The following MED12L variants were observed in gnomAD, a reference collection of about 807,000 sequenced individuals.
MED12L encodes mediator of RNA polymerase II transcription subunit 12-like protein.
A neutral mutation model predicts 281.3 loss-of-function variants in MED12L; 60 were observed. That is an observed-to-expected ratio of 0.21 (90% CI 0.17 to 0.26). The LOEUF (loss-of-function observed/expected upper bound fraction) is 0.26, where lower values mean the gene tolerates loss of function less well. Among genes scored for constraint, MED12L ranks in the 10% least tolerant of loss-of-function variants. The pLI is 1.00. For synonymous variants in MED12L, 974 were observed against 987.2 expected, an observed-to-expected ratio of 0.99 and a Z score of 0.25; for missense variants, 2,146 against 2,680.9, an observed-to-expected ratio of 0.80 and a Z score of 4.41.
At chr3:151,283,302 T>C (rs1018798288) in intron 16 of MED12L, among the ~76,000 whole-genome samples, 3 of 152,228 alleles carry the variant, frequency 2.0e-5, no homozygotes, top group African/African-American at 7.2e-5. Context: ...TAGCATTAGA[T>C]TGGGTTTAAA....
At position 151,198,791 on chromosome 3, in the gene MED12L, T is replaced by C. The variant is rs749637575; in HGVS notation, c.2250+5125T>C. The C allele has an allele frequency of 1.3e-5, 21 of 1,613,702 alleles. No individual in the cohort carries two copies. The highest frequency in any genetic ancestry group is 1.7e-5 in the Admixed American group (1 of 60,000). On this transcript the variant is annotated intron_variant, in intron 16 of 44. Coordinates refer to ENST00000687756, the MANE Select transcript of MED12L (RefSeq NM_001393769.1). ...GTAGAGCTGTCGAATTACAAGGCAA[T>C]TGGATATTAAAATGATGGCTGAGAA...
chr3:151,397,267 A>G (rs981655328), intron 39 of MED12L, among the ~76,000 whole-genome samples: 2 of 152,196 alleles, frequency 1.3e-5, no homozygotes, highest in African/African-American at 4.8e-5. Context: ...AAACTTAACT[A>G]TGGAGTCTCT....
At chr3:151,296,122 T>G (rs1393576374) in intron 16 of MED12L, among the ~76,000 whole-genome samples, 1 of 152,246 alleles carries the variant, frequency 6.6e-6, no homozygotes, top group Non-Finnish European at 1.5e-5. Context: ...AGAGGACAAC[T>G]TGTTAAAAGT....
intron 16 of MED12L, among the ~76,000 whole-genome samples, chr3:151,237,182 G>C (rs1431222537): frequency 1.3e-5 from 2 of 151,422 alleles, no homozygotes; most frequent in African/African-American, 4.9e-5. Flanking sequence ...GGGACTACAG[G>C]TGCATGCCAC....
At chr3:151,303,309 A>T (rs1746190138) in intron 16 of MED12L, among the ~76,000 whole-genome samples, 1 of 152,150 alleles carries the variant, frequency 6.6e-6, no homozygotes, top group South Asian at 2.1e-4. Flanking sequence ...GGTTGATTTC[A>T]TGATGCCTGT....
chr3:151,293,638 T>TAC (rs199892582), intron 16 of MED12L, among the ~76,000 whole-genome samples: 2,674 of 99,684 alleles, frequency 0.027, 84 homozygotes, highest in East Asian at 0.075. Context: ...ATGAAGCCCT[T>TAC]ACACACACAC....
chr3:151,328,123 A>G, intron 16 of MED12L: 1 of 1,613,138 alleles, frequency 6.2e-7, no homozygotes. Context: ...AGGGATCCAT[A>G]CAAATGTTAG....
chr3:151,347,856 GT>G (rs1239552069), intron 16 of MED12L, among the ~76,000 whole-genome samples: 1 of 152,140 alleles, frequency 6.6e-6, no homozygotes, highest in Non-Finnish European at 1.5e-5. Flanking sequence ...GTTTAGAAAG[GT>G]TTATTATTCG....
chr3:151,209,788 TCAAGC>T (rs1319932855), intron 16 of MED12L, among the ~76,000 whole-genome samples: 1 of 152,136 alleles, frequency 6.6e-6, no homozygotes, highest in Non-Finnish European at 1.5e-5. Flanking sequence ...ACTAACATCA[TCAAGC>T]AGAAGTACAG....
chr3:151,158,933 A>G (rs536238526), intron 7 of MED12L, 134 bp downstream of exon 7: 16 of 673,142 alleles, frequency 2.4e-5, no homozygotes, highest in East Asian at 1.9e-4. Context: ...CTTTGATGCT[A>G]TAACACATGA....
At chr3:151,182,099 G>A (rs896405144) in intron 11 of MED12L, among the ~76,000 whole-genome samples, 1 of 152,092 alleles carries the variant, frequency 6.6e-6, no homozygotes, top group Non-Finnish European at 1.5e-5. Flanking sequence ...TGAATTAGGA[G>A]AGAAAAAATG....
At chr3:151,108,096 CT>C (rs377455325) in intron 2 of MED12L, among the ~76,000 whole-genome samples, 571 of 152,218 alleles carry the variant, frequency 3.8e-3, no homozygotes, top group African/African-American at 8.2e-3. Flanking sequence ...CCTTCTGATG[CT>C]TTTGGATAGG....
chr3:151,436,120 G>GTTAT lies in MED12L; in HGVS notation c.*3318_*3321dup, dbSNP rs1720155663. 1 of 152,170 alleles carries GTTAT rather than the reference G, an allele frequency of 6.6e-6. No homozygotes were observed. The highest frequency in any genetic ancestry group is 1.9e-4 in the East Asian group (1 of 5,196). 9.4% of individuals were successfully genotyped at this position (152,170 alleles called of 1,614,324 possible). The stretch of plus-strand genomic sequence containing the variant: ...GAGCCTGCATTTATTTTTAAATGCA[G>GTTAT]TTATTAAAACATTTTTGTATTCCCC... On this transcript the variant is annotated 3_prime_UTR_variant, in exon 45 of 45. Coordinates refer to ENST00000687756, the MANE Select transcript of MED12L (RefSeq NM_001393769.1).
At chr3:151,151,030 G>GTTTTTTTTTTTTTTT (rs1342933481) in intron 5 of MED12L, among the ~76,000 whole-genome samples, 1 of 11,808 alleles carries the variant, frequency 8.5e-5, no homozygotes, top group South Asian at 1.8e-3. Context: ...TGCTGAAGTA[G>GTTTTTTTTTTTTTTT]CTTTTTTTTT....
intron 16 of MED12L, among the ~76,000 whole-genome samples, chr3:151,202,160 T>TTG (rs1287236330): frequency 3.3e-5 from 5 of 152,248 alleles, no homozygotes; most frequent in Non-Finnish European, 5.9e-5. Context: ...ACAAATCTGT[T>TTG]TATTTAAAAT....
At chr3:151,357,177 A>T in intron 19 of MED12L, 36 bp from the exon 20 acceptor site, 1 of 1,516,768 alleles carries the variant, frequency 6.6e-7, no homozygotes, top group Non-Finnish European at 8.9e-7. Flanking sequence ...TTGTTTTGGC[A>T]CCTACATGTT....
intron 16 of MED12L, among the ~76,000 whole-genome samples, chr3:151,261,913 G>C (rs1468246607): frequency 1.3e-5 from 2 of 151,998 alleles, no homozygotes; most frequent in Non-Finnish European, 2.9e-5. Flanking sequence ...TTTTAGTAGA[G>C]ACGGGGTTTC....
intron 30 of MED12L, among the ~76,000 whole-genome samples, chr3:151,377,801 G>T (rs932492193): frequency 6.6e-6 from 1 of 152,178 alleles, no homozygotes; most frequent in Non-Finnish European, 1.5e-5. Flanking sequence ...TTCCAGAACT[G>T]CATGTTTTAT....
At chr3:151,110,353 G>A (rs1439868128) in intron 2 of MED12L, among the ~76,000 whole-genome samples, 1 of 152,166 alleles carries the variant, frequency 6.6e-6, no homozygotes, top group Non-Finnish European at 1.5e-5. Context: ...GTCCAGCCCA[G>A]TTTCCCAAAC....
Sources: allele counts gnomAD v4.1 joint callset (sites outside exome capture counted in the v4.1 genomes callset), GRCh38; gene constraint gnomAD v4.1.1; transcripts MANE v1.5; gene names NCBI Gene and HGNC (gene_info 2026-07-23, HGNC 2026-07-21).